The following KCNH8 variants were observed in gnomAD, a reference collection of about 807,000 sequenced individuals.
The protein encoded by KCNH8 is potassium voltage-gated channel subfamily H member 8.
Under a neutral mutation model 103.6 loss-of-function variants are expected in KCNH8, and 70 were observed. The observed-to-expected ratio is 0.68, with a 90% CI of 0.56 to 0.82. KCNH8 has a LOEUF of 0.82. Ranked by LOEUF, KCNH8 falls within the 40% of genes least tolerant of loss-of-function variation. The pLI, the probability that KCNH8 is intolerant of heterozygous loss-of-function variation, is 0.00. For synonymous variants in KCNH8, 498 were observed against 489.4 expected, an observed-to-expected ratio of 1.02 and a Z score of -0.23; for missense variants, 1,217 against 1,329.9, an observed-to-expected ratio of 0.92 and a Z score of 1.32.
intron 5 of KCNH8, among the ~76,000 whole-genome samples, chr3:19,376,348 A>G (rs939549267): frequency 3.6e-4 from 55 of 152,118 alleles, no homozygotes; most frequent in Non-Finnish European, 1.3e-4. Context: ...TTCGGGTAGG[A>G]GTGACCCGAT....
intron 1 of KCNH8, among the ~76,000 whole-genome samples, chr3:19,242,864 A>C (rs1017710205): frequency 2.0e-5 from 3 of 152,204 alleles, no homozygotes; most frequent in Non-Finnish European, 4.4e-5. Flanking sequence ...CTGTACTTTG[A>C]GAAACCGTGG....
chr3:19,358,962 G>A (rs935807763), intron 5 of KCNH8, among the ~76,000 whole-genome samples: 2 of 151,508 alleles, frequency 1.3e-5, no homozygotes, highest in Admixed American at 6.6e-5. Flanking sequence ...ACAAGGAAAA[G>A]GAAAGGAGAA....
At chr3:19,519,910 G>A (rs1246548351) in intron 15 of KCNH8, among the ~76,000 whole-genome samples, 3 of 151,404 alleles carry the variant, frequency 2.0e-5, no homozygotes, top group Non-Finnish European at 4.4e-5. Context: ...ATATCTATAT[G>A]TTCACCTTTA....
Position 19,467,042 on chromosome 3 carries a change from A to T in KCNH8, c.2040+10060A>T, listed in dbSNP as rs146536669. ...TAATGCACACTTAATAGACTACAGT[A>T]TAATGTAAACATGACTTTTATATCC... On this transcript the variant is annotated intron_variant, in intron 11 of 15. Transcript: ENST00000328405. 1.8e-3 allele frequency among the ~76,000 whole-genome samples: 278 copies of T among 152,260 alleles called. 2 individuals are homozygous for T. The highest frequency in any genetic ancestry group is 6.2e-3 in the African/African-American group (258 of 41,548).
chr3:19,446,328 T>C (rs1045578517), intron 8 of KCNH8, among the ~76,000 whole-genome samples: 4 of 151,980 alleles, frequency 2.6e-5, no homozygotes, highest in African/African-American at 7.2e-5. Context: ...TGATAACATA[T>C]TCAGTTTCAA....
At chr3:19,242,994 C>T (rs2064161222) in intron 1 of KCNH8, among the ~76,000 whole-genome samples, 1 of 152,170 alleles carries the variant, frequency 6.6e-6, no homozygotes, top group South Asian at 2.1e-4. Flanking sequence ...GTTTAACTTG[C>T]TGTTTAGCAT....
chr3:19,397,310 C>G (rs1363609243), intron 7 of KCNH8, among the ~76,000 whole-genome samples: 1 of 151,750 alleles, frequency 6.6e-6, no homozygotes, highest in Non-Finnish European at 1.5e-5. Context: ...ATAGACCTCT[C>G]CTGTCATCAT....
At chr3:19,457,227 T>C (rs2067547418) in intron 11 of KCNH8, among the ~76,000 whole-genome samples, 1 of 152,020 alleles carries the variant, frequency 6.6e-6, no homozygotes, top group Non-Finnish European at 1.5e-5. Context: ...CTTGTTTCTT[T>C]TCATATGCTT....
At chr3:19,488,023 G>C (rs1289706211) in intron 11 of KCNH8, among the ~76,000 whole-genome samples, 1 of 152,150 alleles carries the variant, frequency 6.6e-6, no homozygotes, top group Non-Finnish European at 1.5e-5. Flanking sequence ...TAATGTCCTT[G>C]CCTCCAATTG....
At chr3:19,384,450 C>T (rs978383690) in intron 5 of KCNH8, among the ~76,000 whole-genome samples, 2 of 152,082 alleles carry the variant, frequency 1.3e-5, no homozygotes, top group African/African-American at 4.8e-5. Flanking sequence ...CAATAAGAAC[C>T]CAAGCAGTCT....
chr3:19,348,648 A>G (rs983021777), intron 5 of KCNH8, among the ~76,000 whole-genome samples: 1 of 152,000 alleles, frequency 6.6e-6, no homozygotes, highest in African/African-American at 2.4e-5. Flanking sequence ...TCTAGGACAG[A>G]TTCCGGGTCT....
At chr3:19,475,444 C>G (rs1274977849) in intron 11 of KCNH8, among the ~76,000 whole-genome samples, 1 of 152,094 alleles carries the variant, frequency 6.6e-6, no homozygotes, top group African/African-American at 2.4e-5. Context: ...ACCAGGTTGC[C>G]ATGTGATAAC....
intron 1 of KCNH8, among the ~76,000 whole-genome samples, chr3:19,202,568 A>G (rs1032086592): frequency 4.6e-5 from 7 of 152,148 alleles, no homozygotes; most frequent in Admixed American, 2.0e-4. Flanking sequence ...CAAAGCTGCC[A>G]AGCCACCAAT....
intron 3 of KCNH8, among the ~76,000 whole-genome samples, chr3:19,286,446 G>C (rs2064833260): frequency 6.6e-6 from 1 of 152,176 alleles, no homozygotes; most frequent in South Asian, 2.1e-4. Flanking sequence ...GCCAAGGAGA[G>C]TCCTCAGGAA....
intron 3 of KCNH8, among the ~76,000 whole-genome samples, chr3:19,284,024 A>G (rs1347018411): frequency 6.6e-6 from 1 of 152,016 alleles, no homozygotes; most frequent in African/African-American, 2.4e-5. Flanking sequence ...AAATTTACCA[A>G]TTGATGGCAT....
At chr3:19,192,302 C>T (rs539103528) in intron 1 of KCNH8, among the ~76,000 whole-genome samples, 2 of 151,760 alleles carry the variant, frequency 1.3e-5, no homozygotes, top group Admixed American at 1.3e-4. Context: ...AGAATGTACT[C>T]ATGTTTGTTT....
intron 2 of KCNH8, among the ~76,000 whole-genome samples, chr3:19,266,517 C>T (rs1575481403): frequency 1.3e-5 from 2 of 152,210 alleles, no homozygotes; most frequent in Admixed American, 6.5e-5. Context: ...TTCCATGTGT[C>T]ACAGTAGGCA....
Position 19,342,725 on chromosome 3 carries a change from T to C in KCNH8, c.570+11T>C. On this transcript the variant is annotated intron_variant, in intron 4 of 15. Transcript: ENST00000328405. The stretch of plus-strand genomic sequence containing the variant: ...TTGAAAATAAATAACGTAGGTGGTA[T>C]GTGTGTACAGGATGAATGCTAGTGT... 1 of 1,598,898 alleles carries C rather than the reference T, an allele frequency of 6.3e-7. No homozygotes were observed. Among genetic ancestry groups the C allele is most frequent in the Non-Finnish European group, 8.5e-7 (1 of 1,170,042 alleles).
chr3:19,243,788 G>A (rs1482605292), intron 1 of KCNH8, among the ~76,000 whole-genome samples: 1 of 152,058 alleles, frequency 6.6e-6, no homozygotes, highest in Admixed American at 6.6e-5. Flanking sequence ...AAGTAAAAAG[G>A]CTGTTCCAGT....
Sources: gnomAD v4.1 joint callset for allele counts (sites outside exome capture counted in the v4.1 genomes callset) on GRCh38, gnomAD v4.1.1 for gene constraint, MANE v1.5 for transcripts, NCBI Gene and HGNC (gene_info 2026-07-23, HGNC 2026-07-21) for gene names.